SDF4: variants seen among roughly 807,000 people sequenced by gnomAD.
The protein encoded by SDF4 is stromal cell derived factor 4.
A neutral mutation model predicts 34.2 loss-of-function variants in SDF4; 22 were observed. That is an observed-to-expected ratio of 0.64 (90% CI 0.46 to 0.92). The LOEUF (loss-of-function observed/expected upper bound fraction) is 0.92, where lower values mean the gene tolerates loss of function less well. Among genes scored for constraint, SDF4 ranks in the 40% least tolerant of loss-of-function variants. SDF4 has a pLI of 0.00. For synonymous variants in SDF4, 236 were observed against 203.1 expected, an observed-to-expected ratio of 1.16 and a Z score of -1.38; for missense variants, 447 against 499.9, an observed-to-expected ratio of 0.89 and a Z score of 1.01.
chr1:1,225,934 C>A (rs3949751), intron 2 of SDF4, among the ~76,000 whole-genome samples: 7 of 152,242 alleles, frequency 4.6e-5, no homozygotes, highest in African/African-American at 1.2e-4. Flanking sequence ...GGGCGGTGCA[C>A]GTACATGGAG....
intron 2 of SDF4, among the ~76,000 whole-genome samples, chr1:1,226,626 AG>A (rs1208235517): frequency 6.6e-6 from 1 of 152,136 alleles, no homozygotes; most frequent in Admixed American, 6.5e-5. Flanking sequence ...GCGTGTGGGA[AG>A]GGAAGTCTAA....
At position 1,228,664 on chromosome 1, in the gene SDF4, T is replaced by G. The variant is rs1470953308; in HGVS notation, c.109A>C (p.Thr37Pro). The change falls in exon 2 of 7, where the codon ACT becomes CCT. Residue 37 changes from threonine to proline, a missense_variant. Transcript: ENST00000360001. ...ASARPANHSS[T>P]RERVANREEN... The stretch of plus-strand genomic sequence containing the variant: ...TCCCTGTTGGCTACTCTCTCTCGAG[T>G]GGACGAGTGGTTGGCAGGCCGTGCA... 1.9e-6 allele frequency: 3 copies of G among 1,613,008 alleles called. No homozygotes were observed. Among genetic ancestry groups the G allele is most frequent in the Non-Finnish European group, 2.5e-6 (3 of 1,180,004 alleles).
chr1:1,228,169 T>G (rs1019403323), intron 2 of SDF4, among the ~76,000 whole-genome samples: 1 of 152,206 alleles, frequency 6.6e-6, no homozygotes, highest in Non-Finnish European at 1.5e-5. Flanking sequence ...TGGAGGACGC[T>G]GACCACTGCA....
chr1:1,231,310 A>C (rs1276977522), intron 1 of SDF4, among the ~76,000 whole-genome samples: 1 of 152,252 alleles, frequency 6.6e-6, no homozygotes, highest in Non-Finnish European at 1.5e-5. Context: ...TGCAAAACGG[A>C]CGTGGGAAAC....
chr1:1,218,930 G>A lies in SDF4; in HGVS notation c.557-3C>T, dbSNP rs1649714925. On this transcript the variant is annotated splice_polypyrimidine_tract_variant and splice_region_variant and intron_variant, in intron 4 of 6. Transcript: ENST00000360001. The surrounding 1 kb of genome is among the most constrained non-coding windows in gnomAD (Gnocchi z 7.9). ...CAGGTTCTCCAGGACTTCCTGTGCT[G>A]AGAGGGGCGCAGCCTGTGGGTATCG... 11 of 1,609,460 alleles carry A rather than the reference G, an allele frequency of 6.8e-6. No individual in the cohort carries two copies. Among genetic ancestry groups the A allele is most frequent in the Non-Finnish European group, 9.3e-6 (11 of 1,177,998 alleles).
chr1:1,227,439 C>A (rs2100983659), intron 2 of SDF4: 1 of 150,916 alleles, frequency 6.6e-6, no homozygotes, highest in Non-Finnish European at 1.5e-5. Context: ...CCAGGCCCTG[C>A]GGGAAGGCGA....
intron 4 of SDF4, among the ~76,000 whole-genome samples, chr1:1,222,641 C>G (rs111287045): frequency 1.3e-5 from 2 of 152,280 alleles, no homozygotes; most frequent in African/African-American, 4.8e-5. Flanking sequence ...CAGGCCCCAA[C>G]CCAGACTCAC....
At chr1:1,230,476 T>TTTC (rs1228704219) in intron 1 of SDF4, among the ~76,000 whole-genome samples, 5 of 151,694 alleles carry the variant, frequency 3.3e-5, no homozygotes, top group Non-Finnish European at 5.9e-5. Flanking sequence ...TTTTTTTTTT[T>TTTC]CTGAGACAGA....
At chr1:1,222,385 G>A (rs577731883) in intron 4 of SDF4, among the ~76,000 whole-genome samples, 1 of 137,860 alleles carries the variant, frequency 7.3e-6, no homozygotes, top group African/African-American at 2.7e-5. Flanking sequence ...GGCCCCACCC[G>A]GCCCCACCCT....
rs963698971 is a variant in SDF4 at position 1,217,210 on chromosome 1, A to G, written c.*302T>C. 3.1e-5 allele frequency: 5 copies of G among 163,664 alleles called. No homozygotes were observed. The East Asian group carries it at 8.4e-4, about 27-fold the overall frequency. The allele number at this position is 163,664 out of a possible 1,614,324, so 10.1% of individuals were successfully genotyped here. ...CCGCGATGCCGTCAGCGCCTTCGGC[A>G]GAGTGACTGAAGCGAGATTTCGTTC... On this transcript the variant is annotated 3_prime_UTR_variant, in exon 7 of 7. Transcript: ENST00000360001. This position sits in a 1 kb window ranked among gnomAD's most constrained non-coding sequence, Gnocchi z 8.5.
intron 4 of SDF4, among the ~76,000 whole-genome samples, chr1:1,222,936 C>G (rs551929507): frequency 6.6e-6 from 1 of 152,362 alleles, no homozygotes; most frequent in South Asian, 2.1e-4. Context: ...CTCACAAGCA[C>G]ACGCACAGCG....
At chr1:1,223,142 ACACT>A (rs749790778) in intron 4 of SDF4, 98 bp downstream of exon 4, 5 of 825,670 alleles carry the variant, frequency 6.1e-6, no homozygotes, top group Non-Finnish European at 1.0e-5. Context: ...CACGCACGGC[ACACT>A]CATACACGAC....
intron 4 of SDF4, 62 bp downstream of exon 4, chr1:1,223,182 A>AAC (rs57524763): frequency 8.7e-7 from 1 of 1,144,588 alleles, no homozygotes; most frequent in Non-Finnish European, 1.3e-6. Context: ...ATGTACACAC[A>AAC]ACACACGCGC....
At chr1:1,222,544 G>T (rs768631681) in intron 4 of SDF4, among the ~76,000 whole-genome samples, 1 of 152,356 alleles carries the variant, frequency 6.6e-6, no homozygotes, top group Admixed American at 6.5e-5. Flanking sequence ...GTCTCCAGCA[G>T]ACCCAGGCCT....
At chr1:1,229,719 T>G (rs1638433453) in intron 1 of SDF4, among the ~76,000 whole-genome samples, 1 of 152,196 alleles carries the variant, frequency 6.6e-6, no homozygotes, top group South Asian at 2.1e-4. Flanking sequence ...TTGAACATTC[T>G]TGAGATCTAT....
At chr1:1,220,091 C>G in intron 4 of SDF4, 11 of 986,304 alleles carry the variant, frequency 1.1e-5, no homozygotes, top group Non-Finnish European at 1.3e-5. Flanking sequence ...GACAGGCCGG[C>G]CGAGAGACGC....
intron 1 of SDF4, among the ~76,000 whole-genome samples, chr1:1,229,494 G>T (rs1638427125): frequency 6.6e-6 from 1 of 152,202 alleles, no homozygotes; most frequent in South Asian, 2.1e-4. Flanking sequence ...TTACAGGCGT[G>T]AGCCACTGTG....
chr1:1,231,328 G>A (rs1638486440), intron 1 of SDF4, among the ~76,000 whole-genome samples: 1 of 152,252 alleles, frequency 6.6e-6, no homozygotes. Context: ...AACAGCTTAG[G>A]CAGAGACGCT....
At chr1:1,222,202 G>A (rs1462850410) in intron 4 of SDF4, among the ~76,000 whole-genome samples, 1 of 152,196 alleles carries the variant, frequency 6.6e-6, no homozygotes, top group Non-Finnish European at 1.5e-5. Context: ...CCAGACCACG[G>A]GCATGACCGG....
Sources: gnomAD v4.1 joint callset for allele counts (sites outside exome capture counted in the v4.1 genomes callset) on GRCh38, gnomAD v4.1.1 for gene constraint, Gnocchi (gnomAD v3.1) non-coding constraint, MANE v1.5 for transcripts, NCBI Gene and HGNC (gene_info 2026-07-23, HGNC 2026-07-21) for gene names.